Variants in PIK3R2 observed in about 807,000 individuals in gnomAD.
The protein encoded by PIK3R2 is phosphoinositide-3-kinase regulatory subunit 2.
A neutral mutation model predicts 78.5 loss-of-function variants in PIK3R2; 40 were observed. The observed-to-expected ratio is 0.51, with a 90% CI of 0.40 to 0.66. PIK3R2 has a LOEUF of 0.66. Ranked by LOEUF, PIK3R2 falls within the 30% of genes least tolerant of loss-of-function variation. The pLI is 0.00. For synonymous variants in PIK3R2, 473 were observed against 457.7 expected, an observed-to-expected ratio of 1.03 and a Z score of -0.43; for missense variants, 880 against 1,026.6, an observed-to-expected ratio of 0.86 and a Z score of 1.95.
At chr19:18,155,276 G>A (rs913298447) in intron 1 of PIK3R2, among the ~76,000 whole-genome samples, 181 bp from the exon 2 acceptor site, 33 of 151,540 alleles carry the variant, frequency 2.2e-4, no homozygotes, top group African/African-American at 8.0e-4. Flanking sequence ...ACTCCCAGCA[G>A]CTCCAAGGGA....
chr19:18,154,158 C>T (rs976358248), intron 1 of PIK3R2, among the ~76,000 whole-genome samples: 3 of 152,180 alleles, frequency 2.0e-5, no homozygotes, highest in Non-Finnish European at 4.4e-5. Flanking sequence ...CTGTGATGAT[C>T]CATTCTCTAG....
rs2043675857 is a variant in PIK3R2 at position 18,156,055 on chromosome 19, G to T, written c.176G>T (p.Gly59Val). 1.9e-6 allele frequency: 3 copies of T among 1,562,438 alleles called. No individual in the cohort carries two copies. Among genetic ancestry groups the T allele is most frequent in the Non-Finnish European group, 2.6e-6 (3 of 1,154,070 alleles). The part of the protein sequence containing the change: ...RCPQSVGWMP[G>V]LNERTRQRGD... Reference sequence around the variant, plus strand: ...CCACAGAGCGTGGGCTGGATGCCCGGCCTCAACGAGCGCACACGGCAGCGA... The same window carrying T: ...CCACAGAGCGTGGGCTGGATGCCCGTCCTCAACGAGCGCACACGGCAGCGA... The change falls in exon 2 of 16, where the codon GGC (glycine) becomes GTC (valine). Residue 59 changes from glycine to valine, a missense_variant. This residue lies in a region of PIK3R2 where 456 missense variants were observed against 486.6 expected (regional missense o/e 0.94). Coordinates refer to ENST00000222254, the MANE Select transcript of PIK3R2 (RefSeq NM_005027.4). The surrounding 1 kb of genome is among the most constrained non-coding windows in gnomAD (Gnocchi z 4.2).
At chr19:18,157,095 G>A (rs1230882004) in intron 2 of PIK3R2, among the ~76,000 whole-genome samples, 1 of 152,222 alleles carries the variant, frequency 6.6e-6, no homozygotes, top group Non-Finnish European at 1.5e-5. Context: ...CCAAAGCCCC[G>A]GGAGGTGCCA....
chr19:18,155,910 G>T lies in PIK3R2; in HGVS notation c.31G>T (p.Ala11Ser), dbSNP rs751392338. Residue 11 changes from alanine (A) to serine (S), a missense_variant, in exon 2 of 16, where the codon GCT becomes TCT. Physicochemically the swap from Ala to Ser is moderately conservative, Grantham distance 99. This residue lies in a region of PIK3R2 where 456 missense variants were observed against 486.6 expected (regional missense o/e 0.94). Transcript: ENST00000222254. The part of the protein sequence containing the change: MAGPEGFQYR[A>S]LYPFRRERPE... ...GGGCCCTGAGGGCTTCCAGTACCGCGCTCTGTACCCGTTCCGCCGGGAGCG... is the reference window on the plus strand; with the variant it reads ...GGGCCCTGAGGGCTTCCAGTACCGCTCTCTGTACCCGTTCCGCCGGGAGCG... 1.0e-5 allele frequency: 16 copies of T among 1,563,414 alleles called. No homozygotes were observed. The South Asian group carries it at 1.8e-4, about 17-fold the overall frequency.
intron 2 of PIK3R2, among the ~76,000 whole-genome samples, chr19:18,160,203 T>A (rs928621175): frequency 6.6e-6 from 1 of 152,242 alleles, no homozygotes; most frequent in Non-Finnish European, 1.5e-5. Context: ...TTTTGGGGAC[T>A]TTATTCAGCG....
Position 18,161,440 on chromosome 19 carries a change from C to A in PIK3R2, c.760C>A (p.Leu254Met). 8.3e-7 allele frequency: 1 copy of A among 1,205,610 alleles called. No individual in the cohort carries two copies. Among genetic ancestry groups the A allele is most frequent in the South Asian group, 4.0e-5 (1 of 25,256 alleles). The allele number at this position is 1,205,610 out of a possible 1,614,324, so 74.7% of individuals were successfully genotyped here. A position where few individuals can be genotyped will look rare whatever the true frequency, so the allele number is the denominator to read the frequency against. Residue 254 changes from leucine to methionine, a missense_variant, in exon 6 of 16, where the codon CTG becomes ATG. Around this residue, in one of 3 missense-constraint regions of PIK3R2, gnomAD observed 456 missense variants for 486.6 expected, o/e 0.94. Transcript: ENST00000222254. The surrounding 1 kb of genome is among the most constrained non-coding windows in gnomAD (Gnocchi z 5.3). ...CCTGGGCGCCACCTTTGGGCCGCTG[C>A]TGCTGCGCGCGCCGCCGCCGCCGTC... ...RALGATFGPL[L>M]LRAPPPPSSP...
At chr19:18,154,223 C>T (rs2043653504) in intron 1 of PIK3R2, among the ~76,000 whole-genome samples, 1 of 152,136 alleles carries the variant, frequency 6.6e-6, no homozygotes, top group Admixed American at 6.5e-5. Context: ...CGTCTGAACC[C>T]GCAGGGCTAG....
At chr19:18,165,456 C>T (rs1457035208) in intron 11 of PIK3R2, among the ~76,000 whole-genome samples, 3 of 151,748 alleles carry the variant, frequency 2.0e-5, no homozygotes, top group Admixed American at 2.0e-4. Flanking sequence ...ATCACTTGAA[C>T]CCAAGAGGCA....
In PIK3R2 at chr19:18,169,187, C is replaced by T. The variant is rs116321373; in HGVS notation, c.2080C>T (p.Leu694=). 2.2e-3 allele frequency: 3,494 copies of T among 1,609,158 alleles called. 78 individuals carry two copies. The African/African-American group carries it at 0.042, about 19-fold the overall frequency. ...NLYGSLKELV[L]HYQHASLVQH... is the part of the protein sequence containing the mutation. The stretch of plus-strand genomic sequence containing the variant: ...GTACGGGTCGCTGAAGGAGCTGGTG[C>T]TGCACTACCAGCACGCCTCGCTGGT... Residue 694 remains leucine, a synonymous_variant, in exon 16 of 16, where the codon CTG becomes TTG. Coordinates refer to ENST00000222254, the MANE Select transcript of PIK3R2 (RefSeq NM_005027.4).
intron 1 of PIK3R2, among the ~76,000 whole-genome samples, chr19:18,154,202 C>T (rs2043653362): frequency 1.3e-5 from 2 of 152,162 alleles, no homozygotes; most frequent in South Asian, 4.1e-4. Flanking sequence ...CTAGCCCTGT[C>T]CATCACAGGG....
intron 1 of PIK3R2, 33 bp from the exon 2 acceptor site, chr19:18,155,424 C>T: frequency 2.6e-6 from 1 of 392,030 alleles, no homozygotes; most frequent in Non-Finnish European, 4.5e-6. Flanking sequence ...AGGAGTTGGC[C>T]TGGCTAACGC....
intron 9 of PIK3R2, chr19:18,162,738 A>C (rs2043763510): frequency 1.7e-6 from 1 of 603,688 alleles, no homozygotes; most frequent in African/African-American, 1.9e-5. Context: ...TTAAAAAAAA[A>C]AATTAGCCAG....
chr19:18,158,947 T>A (rs2043710423), intron 2 of PIK3R2, among the ~76,000 whole-genome samples: 1 of 152,118 alleles, frequency 6.6e-6, no homozygotes, highest in Non-Finnish European at 1.5e-5. Flanking sequence ...GTTCAAGCGA[T>A]TCTCCTGCCT....
intron 1 of PIK3R2, among the ~76,000 whole-genome samples, chr19:18,154,595 G>A (rs920998697): frequency 5.9e-5 from 9 of 152,082 alleles, no homozygotes; most frequent in African/African-American, 2.2e-4. Context: ...CAAAGCACCC[G>A]GAGTGGCCTC....
rs112757815 is a variant in PIK3R2 at position 18,168,498 on chromosome 19, G to T, written c.1760G>T (p.Arg587Leu). 2 of 780,888 alleles carry T rather than the reference G, an allele frequency of 2.6e-6. No homozygotes were observed. Among genetic ancestry groups the T allele is most frequent in the Non-Finnish European group, 4.8e-6 (2 of 418,284 alleles). The allele number at this position is 780,888 out of a possible 1,614,324, so 48.4% of individuals were successfully genotyped here. The change falls in exon 14 of 16, where the codon CGG becomes CTG. Residue 587 changes from arginine (R) to leucine (L), a missense_variant. This residue lies in a region of PIK3R2 where 268 missense variants were observed against 299.1 expected (regional missense o/e 0.90). Transcript: ENST00000222254. This position sits in a 1 kb window ranked among gnomAD's most constrained non-coding sequence, Gnocchi z 4.1. ...AGGTGGCTCACCCAGAAAGGCGCCC[G>T]GCAGAAGAAAATCAACGAGTGGCTG... ...YLVWLTQKGA[R>L]QKKINEWLGI...
chr19:18,157,054 G>A (rs975744903), intron 2 of PIK3R2, among the ~76,000 whole-genome samples: 4 of 152,244 alleles, frequency 2.6e-5, no homozygotes, highest in African/African-American at 9.6e-5. Flanking sequence ...GTCAAATGCC[G>A]TACTTGAAAC....
chr19:18,163,141 C>T lies in PIK3R2; in HGVS notation c.1284C>T (p.Tyr428=). 1 of 1,613,974 alleles carries T rather than the reference C, an allele frequency of 6.2e-7. No individual in the cohort carries two copies. The highest frequency in any genetic ancestry group is 8.5e-7 in the Non-Finnish European group (1 of 1,179,936). ...GGCTCCTCTACCCTGTGTCCAAATA[C>T]CAGCAGGTCCGTGCTGGCCTGGGAG... ...DTRLLYPVSK[Y]QQDQIVKEDS... The change falls in exon 10 of 16, where the codon TAC becomes TAT. Residue 428 remains tyrosine (Y), a synonymous_variant. Coordinates refer to ENST00000222254, the MANE Select transcript of PIK3R2 (RefSeq NM_005027.4).
chr19:18,168,982 G>T lies in PIK3R2; in HGVS notation c.1979+86G>T, dbSNP rs553166630. Reference sequence around the variant, plus strand: ...GCCGCGTGCCAGGCCTTGGGAAGGAGTCCCTGGTGGGGTCATCCGGGACAG... The same window carrying T: ...GCCGCGTGCCAGGCCTTGGGAAGGATTCCCTGGTGGGGTCATCCGGGACAG... On this transcript the variant is annotated intron_variant, in intron 15 of 15. Coordinates refer to ENST00000222254, the MANE Select transcript of PIK3R2 (RefSeq NM_005027.4). This position sits in a 1 kb window ranked among gnomAD's most constrained non-coding sequence, Gnocchi z 4.1. The T allele has an allele frequency of 2.2e-5, 35 of 1,559,104 alleles. 1 individual carries two copies. In the East Asian group the frequency reaches 7.6e-4, roughly 34 times the overall value.
rs1366849937 is a variant in PIK3R2, at chr19:18,161,410, C to T, written c.730C>T (p.Arg244Trp). 2 of 1,214,708 alleles carry T rather than the reference C, an allele frequency of 1.6e-6. No homozygotes were observed. Among genetic ancestry groups the T allele is most frequent in the African/African-American group, 3.2e-5 (2 of 62,730 alleles). 75.2% of individuals were successfully genotyped at this position (1,214,708 alleles called of 1,614,324 possible). A position where few individuals can be genotyped will look rare whatever the true frequency, so the allele number is the denominator to read the frequency against. ...CGCCCCGGCCCTGGGTCCCGCGGTC[C>T]GGGCCCTGGGCGCCACCTTTGGGCC... ...SRAPALGPAVRALGATFGPLL... is the reference protein window; with the variant it reads ...SRAPALGPAVWALGATFGPLL... The change falls in exon 6 of 16, where the codon CGG (arginine) becomes TGG (tryptophan). Residue 244 changes from arginine (R) to tryptophan (W), a missense_variant. By Grantham distance (101) the Arg-to-Trp change is moderately radical. Transcript: ENST00000222254. The surrounding 1 kb of genome is among the most constrained non-coding windows in gnomAD (Gnocchi z 5.3).
Sources: gnomAD v4.1 joint callset for allele counts (sites outside exome capture counted in the v4.1 genomes callset) on GRCh38, gnomAD v4.1.1 for gene constraint, gnomAD v4.1.1 regional missense constraint, Gnocchi (gnomAD v3.1) non-coding constraint, MANE v1.5 for transcripts, NCBI Gene and HGNC (gene_info 2026-07-23, HGNC 2026-07-21) for gene names.